Variants in VASH1 observed in about 807,000 individuals in gnomAD.
VASH1 encodes tubulinyl-Tyr carboxypeptidase 1.
In VASH1, 16 loss-of-function variants were observed where a neutral mutation model predicts 35.0. The observed-to-expected ratio is 0.46, with a 90% CI of 0.31 to 0.70. The LOEUF (loss-of-function observed/expected upper bound fraction) is 0.70, where lower values mean the gene tolerates loss of function less well. VASH1 is among the 30% of genes least tolerant of loss of function. The pLI, the probability that VASH1 is intolerant of heterozygous loss-of-function variation, is 0.05. For synonymous variants in VASH1, 214 were observed against 200.9 expected (o/e 1.07, Z -0.55); for missense variants, 505 against 510.7 (o/e 0.99, Z 0.11).
chr14:76,761,600 T>C lies in VASH1; in HGVS notation c.-1222T>C, dbSNP rs1451944151. Among the ~76,000 whole-genome samples, 1 of 151,890 alleles carries C rather than the reference T, an allele frequency of 6.6e-6. No homozygotes were observed. The highest frequency in any genetic ancestry group is 1.9e-4 in the East Asian group (1 of 5,168). Reference sequence around the variant, plus strand: ...GAGCAGCGATCGGCTGGTGGGCTTCTCGTTGGCGGGCTCCGCGTTGGCGGG... The same window carrying C: ...GAGCAGCGATCGGCTGGTGGGCTTCCCGTTGGCGGGCTCCGCGTTGGCGGG... On this transcript the variant is annotated 5_prime_UTR_variant, in exon 1 of 7. Transcript: ENST00000167106.
At position 76,769,780 on chromosome 14, in the gene VASH1, G is replaced by A. The variant is rs530174744; in HGVS notation, c.310-183G>A. 1.5e-4 allele frequency: 103 copies of A among 673,814 alleles called. 1 individual carries two copies. In the East Asian group the frequency reaches 2.8e-3, roughly 18 times the overall value. The allele number at this position is 673,814 out of a possible 1,614,324, so 41.7% of individuals were successfully genotyped here. A position where few individuals can be genotyped will look rare whatever the true frequency, so the allele number is the denominator to read the frequency against. On this transcript the variant is annotated intron_variant, in intron 1 of 6. Transcript: ENST00000167106. ...GTCCCAGGAGGGAAGGAATGGCTGG[G>A]CTGGGGCCCTGGCAAGAGTCTTCGA... is the stretch of plus-strand genomic sequence containing the variant.
At chr14:76,775,845 T>C in intron 4 of VASH1, 47 bp from the exon 5 acceptor site, 1 of 1,502,338 alleles carries the variant, frequency 6.7e-7, no homozygotes. Context: ...CCCGGTGTGC[T>C]GGCCCCGTGC....
At chr14:76,771,779 TC>T (rs939769858) in intron 3 of VASH1, among the ~76,000 whole-genome samples, 3 of 147,104 alleles carry the variant, frequency 2.0e-5, no homozygotes, top group African/African-American at 7.3e-5. Context: ...ATCTCTCACT[TC>T]CCATCCCGCC....
intron 1 of VASH1, chr14:76,769,462 C>T (rs2140177872): frequency 7.8e-7 from 1 of 1,289,066 alleles, no homozygotes; most frequent in Admixed American, 2.3e-5. Flanking sequence ...CGAATATGCC[C>T]ATGATACTGG....
chr14:76,767,244 C>A (rs1414397054), intron 1 of VASH1, among the ~76,000 whole-genome samples: 1 of 136,220 alleles, frequency 7.3e-6, no homozygotes, highest in Non-Finnish European at 1.6e-5. Context: ...AACTCTGTCT[C>A]AATAAATAAA....
rs1410685163 is a variant in VASH1 at position 76,763,150 on chromosome 14, G to A, written c.309+20G>A. On this transcript the variant is annotated intron_variant, in intron 1 of 6. Transcript: ENST00000167106. ...CCCAAGGTGAGACACACGGGTCAGG[G>A]GGGTGATAGCACAGTCTAGGTTTTA... is the stretch of plus-strand genomic sequence containing the variant. 1 of 1,438,796 alleles carries A rather than the reference G, an allele frequency of 7.0e-7. No homozygotes were observed. The highest frequency in any genetic ancestry group is 1.6e-5 in the South Asian group (1 of 63,282). The allele number at this position is 1,438,796 out of a possible 1,614,324, so 89.1% of individuals were successfully genotyped here. A position where few individuals can be genotyped will look rare whatever the true frequency, so the allele number is the denominator to read the frequency against.
chr14:76,763,279 A>G, intron 1 of VASH1, 149 bp downstream of exon 1: 1 of 845,036 alleles, frequency 1.2e-6, no homozygotes, highest in Non-Finnish European at 1.6e-6. Flanking sequence ...CCTGTCTAGG[A>G]GAACTTTCTC....
intron 1 of VASH1, among the ~76,000 whole-genome samples, chr14:76,765,132 T>A (rs896745153): frequency 1.3e-5 from 2 of 152,152 alleles, no homozygotes; most frequent in African/African-American, 4.8e-5. Context: ...CTTGCTTATG[T>A]CTAAATCAGG....
chr14:76,775,754 G>A (rs1595276979), intron 4 of VASH1, 138 bp from the exon 5 acceptor site: 1 of 1,304,958 alleles, frequency 7.7e-7, no homozygotes, highest in East Asian at 2.5e-5. Flanking sequence ...GAGACGCCAG[G>A]CGTATGGAGA....
chr14:76,762,768 C>G lies in VASH1; in HGVS notation c.-54C>G. ...TCTCTGCAGCCGGTGTGTGGGAGGC[C>G]TCTTGTGAGCCAGTTGTTTTCCCGC... On this transcript the variant is annotated 5_prime_UTR_variant, in exon 1 of 7. Coordinates refer to ENST00000167106, the MANE Select transcript of VASH1 (RefSeq NM_014909.5). 9 of 1,420,892 alleles carry G rather than the reference C, an allele frequency of 6.3e-6. No homozygotes were observed. The highest frequency in any genetic ancestry group is 8.3e-6 in the Non-Finnish European group (9 of 1,082,342). The allele number at this position is 1,420,892 out of a possible 1,614,324, so 88.0% of individuals were successfully genotyped here. A position where few individuals can be genotyped will look rare whatever the true frequency, so the allele number is the denominator to read the frequency against.
chr14:76,771,900 G>C lies in VASH1; in HGVS notation c.455+654G>C, dbSNP rs1893804224. Reference sequence around the variant, plus strand: ...GTGAATGCCACAGCTGGGTCTAGGGGCTCTGCCCAAAGATGCCCACAGACT... The same window carrying C: ...GTGAATGCCACAGCTGGGTCTAGGGCCTCTGCCCAAAGATGCCCACAGACT... On this transcript the variant is annotated intron_variant, in intron 3 of 6. Transcript: ENST00000167106. Among the ~76,000 whole-genome samples, 3 of 152,340 alleles carry C rather than the reference G, an allele frequency of 2.0e-5. 1 individual carries two copies. The South Asian group carries it at 6.2e-4, about 32-fold the overall frequency.
chr14:76,771,086 C>A, intron 2 of VASH1, 104 bp from the exon 3 acceptor site: 1 of 997,588 alleles, frequency 1.0e-6, no homozygotes, highest in Non-Finnish European at 1.4e-6. Flanking sequence ...GCTGTGCCCC[C>A]ATCTCCCCTC....
At chr14:76,763,179 A>C in intron 1 of VASH1, 49 bp downstream of exon 1, 1 of 1,368,104 alleles carries the variant, frequency 7.3e-7, no homozygotes, top group Middle Eastern at 2.0e-4. Flanking sequence ...GGTTTTAGTG[A>C]CCTTGGGGCC....
chr14:76,763,514 T>A (rs1203106295), intron 1 of VASH1, among the ~76,000 whole-genome samples: 1 of 152,202 alleles, frequency 6.6e-6, no homozygotes, highest in African/African-American at 2.4e-5. Flanking sequence ...CTTCATATGT[T>A]GAGAAAATAT....
chr14:76,773,243 G>A (rs368145540), intron 4 of VASH1, 32 bp downstream of exon 4: 21 of 1,606,872 alleles, frequency 1.3e-5, no homozygotes, highest in Non-Finnish European at 1.8e-5. Flanking sequence ...GGAGGGGTCC[G>A]GGCTTCTCTG....
At chr14:76,763,986 A>G (rs1207647338) in intron 1 of VASH1, among the ~76,000 whole-genome samples, 1 of 150,496 alleles carries the variant, frequency 6.6e-6, no homozygotes, top group Non-Finnish European at 1.5e-5. Flanking sequence ...ACGCTGCTAT[A>G]TGGAAATACA....
chr14:76,779,914 G>T lies in VASH1; in HGVS notation c.*896G>T, dbSNP rs2140192891. On this transcript the variant is annotated 3_prime_UTR_variant, in exon 7 of 7. Coordinates refer to ENST00000167106, the MANE Select transcript of VASH1 (RefSeq NM_014909.5). ...GGCTGGACATGGGGTGATGGGGCGG[G>T]ATGCTTGGGCCTGGGTCTCTCCGCC... is the stretch of plus-strand genomic sequence containing the variant. The T allele has an allele frequency of 4.1e-6, 1 of 241,416 alleles. No homozygotes were observed. The highest frequency in any genetic ancestry group is 8.5e-5 in the East Asian group (1 of 11,802). 15.0% of individuals were successfully genotyped at this position (241,416 alleles called of 1,614,324 possible).
intron 1 of VASH1, chr14:76,769,572 C>T (rs924621452): frequency 1.7e-5 from 18 of 1,061,584 alleles, no homozygotes; most frequent in East Asian, 1.2e-4. Context: ...AGCTTTGATC[C>T]GGCGCTTGAA....
At chr14:76,763,231 C>G (rs1893553603) in intron 1 of VASH1, 101 bp downstream of exon 1, 1 of 1,205,540 alleles carries the variant, frequency 8.3e-7, no homozygotes, top group Non-Finnish European at 1.1e-6. Flanking sequence ...CAGGGGACCA[C>G]TGGCTCGGTA....
Sources: allele counts gnomAD v4.1 joint callset (sites outside exome capture counted in the v4.1 genomes callset), GRCh38; gene constraint gnomAD v4.1.1; transcripts MANE v1.5; gene names NCBI Gene and HGNC (gene_info 2026-07-23, HGNC 2026-07-21).